RABL2A: variants seen among roughly 807,000 people sequenced by gnomAD.
RABL2A encodes the protein RAB, member of RAS oncogene family like 2A.
In RABL2A, 17 loss-of-function variants were observed where a neutral mutation model predicts 30.7. That is an observed-to-expected ratio of 0.55 (90% confidence interval 0.38 to 0.83). The LOEUF (loss-of-function observed/expected upper bound fraction) is 0.83. Among genes scored for constraint, RABL2A ranks in the 40% least tolerant of loss-of-function variants. The pLI, the probability that RABL2A is intolerant of heterozygous loss-of-function variation, is 0.00. For missense variants in RABL2A, 155 were observed against 272.6 expected, an observed-to-expected ratio of 0.57 and a Z score of 3.04; for synonymous variants, 64 against 101.8, an observed-to-expected ratio of 0.63 and a Z score of 2.24.
At chr2:113,636,182 A>T (rs1203039184) in intron 5 of RABL2A, among the ~76,000 whole-genome samples, 1 of 152,202 alleles carries the variant, frequency 6.6e-6, no homozygotes, top group East Asian at 1.9e-4. Flanking sequence ...CTGAATTATT[A>T]ACCCTAGCAA....
intron 5 of RABL2A, among the ~76,000 whole-genome samples, chr2:113,635,773 A>G (rs912548244): frequency 6.6e-6 from 1 of 152,154 alleles, no homozygotes; most frequent in African/African-American, 2.4e-5. Context: ...CCACTTTTAA[A>G]TGCTGAAAAG....
chr2:113,627,304 G>GT lies in RABL2A; in HGVS notation c.-150_-149insT, dbSNP rs55824670. 2 of 112,076 alleles carry GT rather than the reference G, an allele frequency of 1.8e-5. No individual in the cohort carries two copies. Among genetic ancestry groups the GT allele is most frequent in the African/African-American group, 8.9e-5 (2 of 22,534 alleles). The allele number at this position is 112,076 out of a possible 1,614,324, so 6.9% of individuals were successfully genotyped here. ...GCTGCGGTGCGAGCTGGGCCGGCGG[G>GT]GTGGTTCGAGAGCGCGCAGAGTCCA... is the stretch of plus-strand genomic sequence containing the variant. On this transcript the variant is annotated 5_prime_UTR_variant, in exon 1 of 9. Transcript: ENST00000683472.
intron 3 of RABL2A, chr2:113,633,551 A>G (rs1338197039): frequency 1.0e-5 from 2 of 197,764 alleles, no homozygotes; most frequent in Non-Finnish European, 2.1e-5. Flanking sequence ...TTAAGATCTG[A>G]GTATGTGTTA....
intron 3 of RABL2A, chr2:113,633,735 T>A (rs949505376): frequency 4.3e-6 from 1 of 232,952 alleles, no homozygotes; most frequent in African/African-American, 2.2e-5. Context: ...GCTTGTCAAC[T>A]GTATGGCTTG....
intron 5 of RABL2A, chr2:113,638,729 G>T (rs1164622405): frequency 4.0e-6 from 1 of 252,198 alleles, no homozygotes. Flanking sequence ...TTAGCCAGGC[G>T]TGGTGGCGCG....
intron 2 of RABL2A, among the ~76,000 whole-genome samples, chr2:113,632,250 G>A (rs1355777044): frequency 5.9e-5 from 9 of 152,232 alleles, no homozygotes; most frequent in Non-Finnish European, 8.8e-5. Flanking sequence ...CAGAGGGAGA[G>A]AAAAGAAATG....
At chr2:113,636,937 C>G (rs1206164289) in intron 5 of RABL2A, among the ~76,000 whole-genome samples, 1 of 150,828 alleles carries the variant, frequency 6.6e-6, no homozygotes, top group Non-Finnish European at 1.5e-5. Flanking sequence ...TGCAGTGAGC[C>G]GAGATCGCGC....
In RABL2A at chr2:113,627,337, G is replaced by T. The variant is rs1245948883; in HGVS notation, c.-117G>T. 2.2e-5 allele frequency: 3 copies of T among 136,630 alleles called. No homozygotes were observed. The highest frequency in any genetic ancestry group is 7.0e-5 in the Admixed American group (1 of 14,378). 8.5% of individuals were successfully genotyped at this position (136,630 alleles called of 1,614,324 possible). A position where few individuals can be genotyped will look rare whatever the true frequency, so the allele number is the denominator to read the frequency against. The stretch of plus-strand genomic sequence containing the variant: ...GAGAGCGCGCAGAGTCCAGACTGGC[G>T]GCAGGGCCCGAGGGGCCGACCCGCA... On this transcript the variant is annotated 5_prime_UTR_variant, in exon 1 of 9. Transcript: ENST00000683472.
At chr2:113,627,605 A>G (rs1353887223) in intron 1 of RABL2A, among the ~76,000 whole-genome samples, 1 of 152,206 alleles carries the variant, frequency 6.6e-6, no homozygotes, top group African/African-American at 2.4e-5. Context: ...AAGATAGCAT[A>G]CCCACTTAGA....
At chr2:113,631,695 G>A (rs1442728007) in intron 2 of RABL2A, among the ~76,000 whole-genome samples, 1 of 151,782 alleles carries the variant, frequency 6.6e-6, no homozygotes, top group Non-Finnish European at 1.5e-5. Flanking sequence ...CCTTCATCCT[G>A]TCTTCCAGAG....
At chr2:113,634,704 A>G (rs1045235605) in intron 4 of RABL2A, 4 of 433,924 alleles carry the variant, frequency 9.2e-6, no homozygotes, top group Non-Finnish European at 1.3e-5. Flanking sequence ...GTCTGTGGTC[A>G]TCGCACGTGA....
At chr2:113,630,086 C>T (rs1339545137) in intron 2 of RABL2A, among the ~76,000 whole-genome samples, 1 of 152,142 alleles carries the variant, frequency 6.6e-6, no homozygotes, top group Non-Finnish European at 1.5e-5. Flanking sequence ...ATGCTAGTCT[C>T]TTTATATGCC....
chr2:113,637,770 T>C, intron 5 of RABL2A: 1 of 1,283,112 alleles, frequency 7.8e-7, no homozygotes, highest in South Asian at 1.3e-5. Flanking sequence ...CAGTGGCATT[T>C]GGTATTTTGA....
At chr2:113,633,612 G>A (rs1214232173) in intron 3 of RABL2A, 1 of 187,698 alleles carries the variant, frequency 5.3e-6, no homozygotes, top group African/African-American at 2.4e-5. Context: ...TGCGTCATTT[G>A]GCTCTGCTTT....
intron 2 of RABL2A, among the ~76,000 whole-genome samples, chr2:113,629,242 G>A (rs1679314928): frequency 1.3e-5 from 2 of 152,198 alleles, no homozygotes; most frequent in Admixed American, 6.5e-5. Flanking sequence ...TCCATGAGAC[G>A]TCCTAGTTCT....
intron 2 of RABL2A, among the ~76,000 whole-genome samples, chr2:113,631,580 C>T (rs559935687): frequency 2.0e-4 from 31 of 152,252 alleles, no homozygotes; most frequent in Admixed American, 1.7e-3. Flanking sequence ...CTAGAGCCTC[C>T]GGAGGTAGGC....
intron 2 of RABL2A, among the ~76,000 whole-genome samples, chr2:113,630,092 A>G (rs953741536): frequency 2.0e-5 from 3 of 152,176 alleles, no homozygotes; most frequent in Admixed American, 2.0e-4. Flanking sequence ...GTCTCTTTAT[A>G]TGCCTCATTT....
At chr2:113,636,722 C>T (rs1242284621) in intron 5 of RABL2A, among the ~76,000 whole-genome samples, 3 of 152,196 alleles carry the variant, frequency 2.0e-5, no homozygotes, top group African/African-American at 4.8e-5. Context: ...GGTGCGGTGG[C>T]TCACGCCTGT....
At chr2:113,640,083 G>T (rs1193278376) in intron 5 of RABL2A, 2 of 151,850 alleles carry the variant, frequency 1.3e-5, no homozygotes, top group Non-Finnish European at 2.9e-5. Context: ...GAGTTTTGAG[G>T]TTACAGTGAG....
Sources: gnomAD v4.1 joint callset for allele counts (sites outside exome capture counted in the v4.1 genomes callset) on GRCh38, gnomAD v4.1.1 for gene constraint, MANE v1.5 for transcripts, NCBI Gene and HGNC (gene_info 2026-07-23, HGNC 2026-07-21) for gene names.